COL25A1: variants seen among roughly 807,000 people sequenced by gnomAD.
COL25A1 encodes the protein collagen alpha-1(XXV) chain.
In COL25A1, 103 loss-of-function variants were observed where a neutral mutation model predicts 128.4. The ratio of observed to expected loss-of-function variants is 0.80; its 90% CI spans 0.68 to 0.94. COL25A1 has a LOEUF of 0.94. Ranked by LOEUF, COL25A1 falls within the 40% of genes least tolerant of loss-of-function variation. The pLI is 0.00. For missense variants in COL25A1, 745 were observed against 840.0 expected (o/e 0.89, Z 1.40); for synonymous variants, 279 against 277.2 (o/e 1.01, Z -0.06).
chr4:109,177,736 A>T (rs553616731), intron 3 of COL25A1, among the ~76,000 whole-genome samples: 13 of 152,210 alleles, frequency 8.5e-5, no homozygotes, highest in Non-Finnish European at 1.8e-4. Flanking sequence ...GACTCCCAAC[A>T]AAAACATTTT....
intron 16 of COL25A1, among the ~76,000 whole-genome samples, chr4:108,894,387 G>A (rs973828): frequency 6.6e-6 from 1 of 151,798 alleles, no homozygotes; most frequent in Non-Finnish European, 1.5e-5. Context: ...AACTGCCCTC[G>A]GTGTAGAATA....
rs765882659 is a variant in COL25A1, at chr4:109,301,921, C to G, written c.99G>C (p.Pro33=). Residue 33 remains proline (P), a synonymous_variant, in exon 2 of 38, where the codon CCG becomes CCC. Transcript: ENST00000399132. ...ACAGGAGGGCCGCCAGGACGGCACA[C>G]GGGGGCATGGTCCGGGCACAATGCT... ...AEQHCARTMP[P]CAVLAALLSV... 1.2e-6 allele frequency: 2 copies of G among 1,613,908 alleles called. No homozygotes were observed. Among genetic ancestry groups the G allele is most frequent in the East Asian group, 2.2e-5 (1 of 44,892 alleles).
intron 3 of COL25A1, among the ~76,000 whole-genome samples, chr4:109,211,210 C>CAT (rs1175711500): frequency 4.8e-5 from 5 of 104,368 alleles, no homozygotes; most frequent in Non-Finnish European, 6.8e-5. Context: ...TTTTTAAATA[C>CAT]ATATATATAT....
chr4:109,186,851 C>CAAG (rs1560832478), intron 3 of COL25A1, among the ~76,000 whole-genome samples: 2 of 152,288 alleles, frequency 1.3e-5, no homozygotes, highest in East Asian at 3.9e-4. Context: ...GTCATGCATT[C>CAAG]GACATCAGCA....
chr4:109,053,008 A>G (rs557085433), intron 3 of COL25A1, among the ~76,000 whole-genome samples: 14 of 152,156 alleles, frequency 9.2e-5, no homozygotes, highest in Admixed American at 9.2e-4. Context: ...CTATCAGCAG[A>G]AAAACATGAC....
chr4:108,922,291 T>C (rs1040839574), intron 11 of COL25A1, among the ~76,000 whole-genome samples: 5 of 152,228 alleles, frequency 3.3e-5, no homozygotes, highest in Admixed American at 6.5e-5. Flanking sequence ...GGTTTTATCA[T>C]TGTCTATGAT....
At chr4:109,130,573 A>G (rs1769097876) in intron 3 of COL25A1, among the ~76,000 whole-genome samples, 1 of 152,164 alleles carries the variant, frequency 6.6e-6, no homozygotes, top group Non-Finnish European at 1.5e-5. Context: ...GAAGCAAACT[A>G]GAAAATAAGC....
At chr4:109,084,278 C>T (rs1358980164) in intron 3 of COL25A1, among the ~76,000 whole-genome samples, 1 of 151,986 alleles carries the variant, frequency 6.6e-6, no homozygotes, top group African/African-American at 2.4e-5. Flanking sequence ...AAGGGACTTC[C>T]CTAACTAACG....
chr4:108,855,513 G>A (rs1052968086), intron 24 of COL25A1, among the ~76,000 whole-genome samples: 1 of 151,932 alleles, frequency 6.6e-6, no homozygotes. Context: ...GGATCATAAA[G>A]CCCTAAAAAG....
chr4:108,901,923 G>T (rs1742895232), intron 13 of COL25A1, among the ~76,000 whole-genome samples: 1 of 152,032 alleles, frequency 6.6e-6, no homozygotes, highest in African/African-American at 2.4e-5. Flanking sequence ...ACAAGGAAAA[G>T]ATACTTTGGG....
At chr4:109,299,823 T>C (rs532382321) in intron 3 of COL25A1, among the ~76,000 whole-genome samples, 1 of 152,288 alleles carries the variant, frequency 6.6e-6, no homozygotes, top group Admixed American at 6.5e-5. Flanking sequence ...TCTAAATTGT[T>C]AGGTCTAAGA....
At chr4:108,860,634 T>C (rs1737089550) in intron 23 of COL25A1, among the ~76,000 whole-genome samples, 1 of 152,070 alleles carries the variant, frequency 6.6e-6, no homozygotes, top group Admixed American at 6.6e-5. Context: ...ATTGAGTTAA[T>C]TGAAAAGTGG....
intron 3 of COL25A1, among the ~76,000 whole-genome samples, chr4:109,172,084 G>A (rs1773645242): frequency 6.6e-6 from 1 of 152,110 alleles, no homozygotes; most frequent in African/African-American, 2.4e-5. Flanking sequence ...CATCAGCTCT[G>A]GAAGCCTGAG....
chr4:109,215,436 A>G (rs1036682272), intron 3 of COL25A1, among the ~76,000 whole-genome samples: 3 of 152,152 alleles, frequency 2.0e-5, no homozygotes, highest in African/African-American at 7.2e-5. Context: ...AGAAAACAAT[A>G]TAGTTTATTT....
intron 19 of COL25A1, among the ~76,000 whole-genome samples, chr4:108,873,921 TAA>T (rs5860953): frequency 2.6e-5 from 4 of 150,958 alleles, no homozygotes; most frequent in South Asian, 2.1e-4. Flanking sequence ...AATGTAATCT[TAA>T]AAAAAAAACC....
rs1725556248 is a variant in COL25A1 at position 109,301,717 on chromosome 4, T to G, written c.297+6A>C. Reference sequence around the variant, plus strand: ...CCCACGTGCAAAATACCCCAGCCTCTCACACCTGAGCCAGAAGTCGCTCCA... The same window carrying G: ...CCCACGTGCAAAATACCCCAGCCTCGCACACCTGAGCCAGAAGTCGCTCCA... On this transcript the variant is annotated splice_donor_region_variant and intron_variant, in intron 2 of 37. Transcript: ENST00000399132. 6.2e-7 allele frequency: 1 copy of G among 1,610,820 alleles called. No individual in the cohort carries two copies. Among genetic ancestry groups the G allele is most frequent in the African/African-American group, 1.3e-5 (1 of 74,874 alleles).
At chr4:108,820,892 G>A (rs1305746472) in intron 35 of COL25A1, among the ~76,000 whole-genome samples, 1 of 152,132 alleles carries the variant, frequency 6.6e-6, no homozygotes, top group East Asian at 1.9e-4. Flanking sequence ...TTAAGGAAAG[G>A]AGGCAAAAGG....
chr4:109,210,692 C>T (rs1016753770), intron 3 of COL25A1, among the ~76,000 whole-genome samples: 1 of 152,070 alleles, frequency 6.6e-6, no homozygotes, highest in South Asian at 2.1e-4. Flanking sequence ...CTCAATCTGA[C>T]CCCTAGAAAG....
chr4:109,008,024 C>T (rs1756202530), intron 6 of COL25A1, among the ~76,000 whole-genome samples: 1 of 152,142 alleles, frequency 6.6e-6, no homozygotes. Context: ...TATTTAATTT[C>T]CCAAGTCTTT....
Sources: gnomAD v4.1 joint callset for allele counts (sites outside exome capture counted in the v4.1 genomes callset) on GRCh38, gnomAD v4.1.1 for gene constraint, MANE v1.5 for transcripts, NCBI Gene and HGNC (gene_info 2026-07-23, HGNC 2026-07-21) for gene names.